The following NES variants were observed in gnomAD, a reference collection of about 807,000 sequenced individuals.
The protein encoded by NES is nestin.
NES carries 27 observed loss-of-function variants against 35.6 expected under a neutral mutation model. The ratio of observed to expected loss-of-function variants is 0.76; its 90% CI spans 0.56 to 1.04. The LOEUF (loss-of-function observed/expected upper bound fraction) is 1.04. Ranked by LOEUF, NES falls within the 50% of genes least tolerant of loss-of-function variation. The pLI is 0.00. For synonymous variants in NES, 822 were observed against 824.2 expected (o/e 1.00, Z 0.04); for missense variants, 1,867 against 1,983.6 (o/e 0.94, Z 1.12).
chr1:156,675,254 GTGC>G lies in NES; in HGVS notation c.867_869del (p.His290del). ...CCTCCAGGCTGAGGGACATCTTGAG[GTGC>G]GCCAGCTGCTGCCGACCTTCCAGGA... On this transcript the variant is annotated inframe_deletion, in exon 2 of 4. Coordinates refer to ENST00000368223, the MANE Select transcript of NES (RefSeq NM_006617.2). The G allele has an allele frequency of 6.2e-7, 1 of 1,613,698 alleles. No individual in the cohort carries two copies.
rs1679782499 is a variant in NES at position 156,673,612 on chromosome 1, G to A, written c.909-85C>T. The A allele has an allele frequency of 3.3e-5, 32 of 968,192 alleles. No individual in the cohort carries two copies. The South Asian group carries it at 5.0e-4, about 15-fold the overall frequency. The allele number at this position is 968,192 out of a possible 1,614,324, so 60.0% of individuals were successfully genotyped here. A position where few individuals can be genotyped will look rare whatever the true frequency, so the allele number is the denominator to read the frequency against. ...GCCAGCTGGGGACAACTCAGGCTGA[G>A]CTTGCACCATCCAGGCCCTGCAGGC... is the stretch of plus-strand genomic sequence containing the variant. On this transcript the variant is annotated intron_variant, in intron 2 of 3. Transcript: ENST00000368223.
At chr1:156,675,425 G>C (rs978163735) in intron 1 of NES, 85 bp from the exon 2 acceptor site, 1 of 1,460,434 alleles carries the variant, frequency 6.8e-7, no homozygotes, top group South Asian at 1.3e-5. Context: ...GCCGCTGCCC[G>C]GGAAGCACCT....
chr1:156,676,747 G>A lies in NES; in HGVS notation c.518C>T (p.Pro173Leu). The change falls in exon 1 of 4, where the codon CCG becomes CTG. Residue 173 changes from proline to leucine, a missense_variant. Pro to Leu is a moderately conservative substitution (Grantham distance 98, BLOSUM62 -3). Coordinates refer to ENST00000368223, the MANE Select transcript of NES (RefSeq NM_006617.2). The surrounding 1 kb of genome is among the most constrained non-coding windows in gnomAD (Gnocchi z 5.3). ...APPRGPPAPA[P>L]EVEELARRLG... Reference sequence around the variant, plus strand: ...TCGCCTTGCCAGCTCCTCTACCTCCGGGGCCGGCGCGGGAGGCCCGCGGGG... The same window carrying A: ...TCGCCTTGCCAGCTCCTCTACCTCCAGGGCCGGCGCGGGAGGCCCGCGGGG... 7.3e-7 allele frequency: 1 copy of A among 1,360,576 alleles called. No individual in the cohort carries two copies. The highest frequency in any genetic ancestry group is 9.4e-7 in the Non-Finnish European group (1 of 1,066,316). 84.3% of individuals were successfully genotyped at this position (1,360,576 alleles called of 1,614,324 possible).
rs757767864 is a variant in NES at position 156,669,652 on chromosome 1, T to G, written c.4536A>C (p.Lys1512Asn). Reference protein sequence around the residue: ...SDPVSLEREDKVPGPLEIPSG... With the variant: ...SDPVSLEREDNVPGPLEIPSG... Reference sequence around the variant, plus strand: ...TGGGGATCTCTAGAGGGCCAGGGACTTTGTCCTCCCTCTCCAAGGAAACAG... The same window carrying G: ...TGGGGATCTCTAGAGGGCCAGGGACGTTGTCCTCCCTCTCCAAGGAAACAG... The change falls in exon 4 of 4, where the codon AAA becomes AAC. Residue 1512 changes from lysine to asparagine, a missense_variant. By Grantham distance (94) the Lys-to-Asn change is moderately conservative. Transcript: ENST00000368223. The G allele has an allele frequency of 9.9e-6, 16 of 1,613,962 alleles. No individual in the cohort carries two copies. In the South Asian group the frequency reaches 1.6e-4, roughly 17 times the overall value.
At position 156,670,859 on chromosome 1, in the gene NES, T is replaced by TCCCCCCACCCCCCCCCCCCCCCCCCC; in HGVS notation, c.3328_3329insGGGGGGGGGGGGGGGGGGGTGGGGGG (p.Asp1110GlyfsTer14). ...CTCTTCCCTGGTCAGATGGCCTGGGTCCCCCAGCCCTCCCACCCCCTGCCC... is the reference window on the plus strand; with the variant it reads ...CTCTTCCCTGGTCAGATGGCCTGGGTCCCCCCACCCCCCCCCCCCCCCCCCCCCCCCAGCCCTCCCACCCCCTGCCC... On this transcript the variant is annotated frameshift_variant, in exon 4 of 4. Transcript: ENST00000368223. LOFTEE classifies it low-confidence loss of function (END_TRUNC). 2 of 1,609,350 alleles carry TCCCCCCACCCCCCCCCCCCCCCCCCC rather than the reference T, an allele frequency of 1.2e-6. No homozygotes were observed. The highest frequency in any genetic ancestry group is 1.7e-6 in the Non-Finnish European group (2 of 1,176,944).
rs1369366334 is a variant in NES, at chr1:156,672,111, T to C, written c.2077A>G (p.Thr693Ala). Residue 693 changes from threonine (T) to alanine (A), a missense_variant, in exon 4 of 4, where the codon ACA (threonine) becomes GCA (alanine). Coordinates refer to ENST00000368223, the MANE Select transcript of NES (RefSeq NM_006617.2). The stretch of plus-strand genomic sequence containing the variant: ...CTCAGGGGTTCCTGATTCTCCTTTG[T>C]CAGAGGTCTCAGTGCCTCCTCATCC... ...VGDEEALRPL[T>A]KENQEPLRSL... is the part of the protein sequence containing the mutation. The C allele has an allele frequency of 6.2e-7, 1 of 1,610,876 alleles. No homozygotes were observed. Among genetic ancestry groups the C allele is most frequent in the Non-Finnish European group, 8.5e-7 (1 of 1,179,306 alleles).
In NES at chr1:156,671,534, T is replaced by C; in HGVS notation, c.2654A>G (p.Glu885Gly). The change falls in exon 4 of 4, where the codon GAA becomes GGA. Residue 885 changes from glutamate to glycine, a missense_variant. Glu to Gly is a moderately conservative substitution (Grantham distance 98). Coordinates refer to ENST00000368223, the MANE Select transcript of NES (RefSeq NM_006617.2). Reference sequence around the variant, plus strand: ...TCTCAATGATTCCTGATTCTCCTCTTCCAGGAGTCTGAATGTCTCTTGGTT... The same window carrying C: ...TCTCAATGATTCCTGATTCTCCTCTCCCAGGAGTCTGAATGTCTCTTGGTT... ...EVNQETFRLL[E>G]EENQESLRSL... 1 of 1,613,970 alleles carries C rather than the reference T, an allele frequency of 6.2e-7. No homozygotes were observed. The highest frequency in any genetic ancestry group is 1.6e-4 in the Middle Eastern group (1 of 6,062).
At position 156,676,865 on chromosome 1, in the gene NES, C is replaced by T; in HGVS notation, c.400G>A (p.Glu134Lys). ...ACGCGTAGAGCCTCTAGCTCGCGCT[C>T]CAGCTCTGCCACCTGGCTACTCAGC... Reference protein sequence around the residue: ...AWLSSQVAELERELEALRVAH... With the variant: ...AWLSSQVAELKRELEALRVAH... The change falls in exon 1 of 4, where the codon GAG (glutamate) becomes AAG (lysine). Residue 134 changes from glutamate (E) to lysine (K), a missense_variant. Transcript: ENST00000368223. The surrounding 1 kb of genome is among the most constrained non-coding windows in gnomAD (Gnocchi z 5.3). The T allele has an allele frequency of 2.0e-6, 3 of 1,527,602 alleles. No individual in the cohort carries two copies. Among genetic ancestry groups the T allele is most frequent in the African/African-American group, 1.4e-5 (1 of 69,982 alleles). The allele number at this position is 1,527,602 out of a possible 1,614,324, so 94.6% of individuals were successfully genotyped here. A position where few individuals can be genotyped will look rare whatever the true frequency, so the allele number is the denominator to read the frequency against.
In NES at chr1:156,676,394, C is replaced by A; in HGVS notation, c.783+88G>T. 2 of 1,380,746 alleles carry A rather than the reference C, an allele frequency of 1.4e-6. No homozygotes were observed. The highest frequency in any genetic ancestry group is 2.5e-5 in the South Asian group (2 of 79,528). The allele number at this position is 1,380,746 out of a possible 1,614,324, so 85.5% of individuals were successfully genotyped here. ...CTGATTCAGCAGCCAGCTAGCCCCACTCCCTTCCCAGAAGGTCTCTGAGCT... is the reference window on the plus strand; with the variant it reads ...CTGATTCAGCAGCCAGCTAGCCCCAATCCCTTCCCAGAAGGTCTCTGAGCT... On this transcript the variant is annotated intron_variant, in intron 1 of 3. Coordinates refer to ENST00000368223, the MANE Select transcript of NES (RefSeq NM_006617.2). The surrounding 1 kb of genome is among the most constrained non-coding windows in gnomAD (Gnocchi z 5.3).
rs933160275 is a variant in NES, at chr1:156,669,416, C to A, written c.4772G>T (p.Trp1591Leu). The A allele has an allele frequency of 6.8e-6, 11 of 1,613,354 alleles. No homozygotes were observed. The highest frequency in any genetic ancestry group is 9.3e-6 in the Non-Finnish European group (11 of 1,179,584). Residue 1591 changes from tryptophan (W) to leucine (L), a missense_variant, in exon 4 of 4, where the codon TGG becomes TTG. Coordinates refer to ENST00000368223, the MANE Select transcript of NES (RefSeq NM_006617.2). ...EEEGSALKTS[W>L]AGAPVHLGQG... ...GCCCAGGTGAACAGGAGCCCCTGCC[C>A]AAGAGGTCTTCAGAGCACTCCCCTC...
rs1679731975 is a variant in NES, at chr1:156,671,525, T to C, written c.2663A>G (p.Asn888Ser). 1 of 1,613,852 alleles carries C rather than the reference T, an allele frequency of 6.2e-7. No individual in the cohort carries two copies. Among genetic ancestry groups the C allele is most frequent in the Non-Finnish European group, 8.5e-7 (1 of 1,180,022 alleles). ...TCCCAGAGATCTCAATGATTCCTGA[T>C]TCTCCTCTTCCAGGAGTCTGAATGT... The part of the protein sequence containing the change: ...QETFRLLEEE[N>S]QESLRSLGAW... The change falls in exon 4 of 4, where the codon AAT becomes AGT. Residue 888 changes from asparagine (N) to serine (S), a missense_variant. Physicochemically the swap from Asn to Ser is conservative, Grantham distance 46. Coordinates refer to ENST00000368223, the MANE Select transcript of NES (RefSeq NM_006617.2).
Position 156,676,384 on chromosome 1 carries a change from G to T in NES, c.783+98C>A, listed in dbSNP as rs1647291013. 1 of 1,252,606 alleles carries T rather than the reference G, an allele frequency of 8.0e-7. No individual in the cohort carries two copies. The highest frequency in any genetic ancestry group is 1.1e-6 in the Non-Finnish European group (1 of 900,420). 77.6% of individuals were successfully genotyped at this position (1,252,606 alleles called of 1,614,324 possible). ...GAACTGGCTCCTGATTCAGCAGCCAGCTAGCCCCACTCCCTTCCCAGAAGG... is the reference window on the plus strand; with the variant it reads ...GAACTGGCTCCTGATTCAGCAGCCATCTAGCCCCACTCCCTTCCCAGAAGG... On this transcript the variant is annotated intron_variant, in intron 1 of 3. Coordinates refer to ENST00000368223, the MANE Select transcript of NES (RefSeq NM_006617.2). The surrounding 1 kb of genome is among the most constrained non-coding windows in gnomAD (Gnocchi z 5.3).
At chr1:156,673,367 T>C in intron 3 of NES, 87 bp downstream of exon 3, 1 of 1,418,718 alleles carries the variant, frequency 7.0e-7, no homozygotes, top group Admixed American at 1.9e-5. Context: ...GACTTGAAAT[T>C]TAGATTGGTG....
At chr1:156,675,536 GC>G (rs1212318328) in intron 1 of NES, among the ~76,000 whole-genome samples, 196 bp from the exon 2 acceptor site, 1 of 152,114 alleles carries the variant, frequency 6.6e-6, no homozygotes, top group African/African-American at 2.4e-5. Context: ...TGAGCCCAGG[GC>G]CCCTGTCAGC....
chr1:156,670,446 C>G lies in NES; in HGVS notation c.3742G>C (p.Gly1248Arg). ...QAEGSQEASW[G>R]VQGRAEALGK... Reference sequence around the variant, plus strand: ...AGGGCTTCAGCCCTCCCCTGCACCCCCCAGCTAGCCTCCTGACTCCCTTCA... The same window carrying G: ...AGGGCTTCAGCCCTCCCCTGCACCCGCCAGCTAGCCTCCTGACTCCCTTCA... Residue 1248 changes from glycine to arginine, a missense_variant, in exon 4 of 4, where the codon GGG (glycine) becomes CGG (arginine). Transcript: ENST00000368223. 6.4e-7 allele frequency: 1 copy of G among 1,560,354 alleles called. No homozygotes were observed. Among genetic ancestry groups the G allele is most frequent in the East Asian group, 2.3e-5 (1 of 44,388 alleles).
chr1:156,674,693 G>T (rs774795388), intron 2 of NES, among the ~76,000 whole-genome samples: 1 of 152,238 alleles, frequency 6.6e-6, no homozygotes, highest in Non-Finnish European at 1.5e-5. Flanking sequence ...AAGGGCACTA[G>T]GGGCATCAGA....
chr1:156,671,197 C>T lies in NES; in HGVS notation c.2991G>A (p.Gln997=), dbSNP rs772800717. The T allele has an allele frequency of 6.2e-7, 1 of 1,614,168 alleles. No individual in the cohort carries two copies. The highest frequency in any genetic ancestry group is 1.7e-5 in the Admixed American group (1 of 60,028). ...GFTGKEEVVE[Q]GELNATEEVW... Reference sequence around the variant, plus strand: ...CCTCCTCTGTGGCATTCAGCTCTCCCTGCTCTACCACCTCCTCCTTCCCAG... The same window carrying T: ...CCTCCTCTGTGGCATTCAGCTCTCCTTGCTCTACCACCTCCTCCTTCCCAG... The change falls in exon 4 of 4, where the codon CAG becomes CAA. Residue 997 remains glutamine (Q), a synonymous_variant. Coordinates refer to ENST00000368223, the MANE Select transcript of NES (RefSeq NM_006617.2).
rs755202892 is a variant in NES at position 156,672,144 on chromosome 1, C to T, written c.2044G>A (p.Glu682Lys). ...CTCAGTGCCTCCTCATCCCCTACTTCTGGAGATCTCAGTGGCTCTTGATTC... is the reference window on the plus strand; with the variant it reads ...CTCAGTGCCTCCTCATCCCCTACTTTTGGAGATCTCAGTGGCTCTTGATTC... ...KENQEPLRSP[E>K]VGDEEALRPL... Residue 682 changes from glutamate to lysine, a missense_variant, in exon 4 of 4, where the codon GAA becomes AAA. By Grantham distance (56) the Glu-to-Lys change is moderately conservative. Transcript: ENST00000368223. The T allele has an allele frequency of 3.4e-5, 55 of 1,611,994 alleles. No individual in the cohort carries two copies. The highest frequency in any genetic ancestry group is 4.5e-5 in the Non-Finnish European group (53 of 1,179,608).
At position 156,673,629 on chromosome 1, in the gene NES, C is replaced by T. The variant is rs1679782823; in HGVS notation, c.909-102G>A. 5.4e-6 allele frequency: 4 copies of T among 735,902 alleles called. 1 individual carries two copies. The South Asian group carries it at 8.3e-5, about 15-fold the overall frequency. The allele number at this position is 735,902 out of a possible 1,614,324, so 45.6% of individuals were successfully genotyped here. Reference sequence around the variant, plus strand: ...CAGGCTGAGCTTGCACCATCCAGGCCCTGCAGGCTTCCTCTTCATTTGACA... The same window carrying T: ...CAGGCTGAGCTTGCACCATCCAGGCTCTGCAGGCTTCCTCTTCATTTGACA... On this transcript the variant is annotated intron_variant, in intron 2 of 3. Transcript: ENST00000368223.
Sources: allele counts gnomAD v4.1 joint callset (sites outside exome capture counted in the v4.1 genomes callset), GRCh38; gene constraint gnomAD v4.1.1; non-coding constraint Gnocchi (gnomAD v3.1); transcripts MANE v1.5; gene names NCBI Gene and HGNC (gene_info 2026-07-23, HGNC 2026-07-21).